PDGFD: variants seen among roughly 807,000 people sequenced by gnomAD.
The protein encoded by PDGFD is platelet-derived growth factor D.
A neutral mutation model predicts 44.7 loss-of-function variants in PDGFD; 30 were observed. That is an observed-to-expected ratio of 0.67 (90% CI 0.50 to 0.91). The LOEUF (loss-of-function observed/expected upper bound fraction) is 0.91, where lower values mean the gene tolerates loss of function less well. PDGFD is among the 40% of genes least tolerant of loss of function. The pLI is 0.00. For synonymous variants in PDGFD, 173 were observed against 168.4 expected, an observed-to-expected ratio of 1.03 and a Z score of -0.21; for missense variants, 445 against 457.8, an observed-to-expected ratio of 0.97 and a Z score of 0.25.
intron 1 of PDGFD, among the ~76,000 whole-genome samples, chr11:104,022,535 A>G (rs1338596001): frequency 1.3e-5 from 2 of 152,146 alleles, no homozygotes; most frequent in Non-Finnish European, 2.9e-5. Context: ...CCTAAGGTCA[A>G]TTTCCAAAAT....
chr11:104,002,444 C>T (rs895024616), intron 1 of PDGFD, among the ~76,000 whole-genome samples: 1 of 152,134 alleles, frequency 6.6e-6, no homozygotes, highest in African/African-American at 2.4e-5. Flanking sequence ...CTCCTGCTGC[C>T]ATGTAAAAGG....
intron 1 of PDGFD, among the ~76,000 whole-genome samples, chr11:104,070,648 A>ACT (rs1860859860): frequency 1.3e-5 from 2 of 151,956 alleles, no homozygotes; most frequent in African/African-American, 4.8e-5. Flanking sequence ...TATGACAGAT[A>ACT]CTCTTTTGCA....
chr11:104,119,930 A>C lies in PDGFD; in HGVS notation c.124+43874T>G, dbSNP rs1250704391. Among the ~76,000 whole-genome samples, 6 of 136,438 alleles carry C rather than the reference A, an allele frequency of 4.4e-5. No homozygotes were observed. The East Asian group carries it at 1.3e-3, about 29-fold the overall frequency. The allele number at this position is 136,438 out of a possible 152,430, so 89.5% of individuals were successfully genotyped here. On this transcript the variant is annotated intron_variant, in intron 1 of 6. Transcript: ENST00000393158. The stretch of plus-strand genomic sequence containing the variant: ...ATAAGCAATTATTATATATTATATA[A>C]TTAAATTATATAATATATAAGTTAT...
Position 104,072,616 on chromosome 11 carries a change from A to G in PDGFD, c.125-72361T>C, listed in dbSNP as rs925081645. Among the ~76,000 whole-genome samples the G allele has an allele frequency of 3.9e-5, 6 of 151,966 alleles. No homozygotes were observed. The South Asian group carries it at 6.2e-4, about 16-fold the overall frequency. On this transcript the variant is annotated intron_variant, in intron 1 of 6. Coordinates refer to ENST00000393158, the MANE Select transcript of PDGFD (RefSeq NM_025208.5). ...ACCTCTAGTACAATGTTGAAAGTTA[A>G]CAGATATAATAGGCAGTCTTGACTT...
chr11:104,118,763 T>C (rs1280054337), intron 1 of PDGFD, among the ~76,000 whole-genome samples: 2 of 112,226 alleles, frequency 1.8e-5, no homozygotes, highest in Non-Finnish European at 3.4e-5. Context: ...GTATATATTA[T>C]AAATATTAAT....
At chr11:104,152,500 C>T (rs1327810891) in intron 1 of PDGFD, among the ~76,000 whole-genome samples, 1 of 152,104 alleles carries the variant, frequency 6.6e-6, no homozygotes, top group Non-Finnish European at 1.5e-5. Context: ...TAGACTGACT[C>T]TTAAGACTTG....
intron 1 of PDGFD, among the ~76,000 whole-genome samples, chr11:104,155,613 ACAAATGGG>A (rs1217879414): frequency 1.3e-5 from 2 of 152,214 alleles, no homozygotes; most frequent in Non-Finnish European, 2.9e-5. Flanking sequence ...GAAAGTAAAG[ACAAATGGG>A]CTTTTAGTGT....
At chr11:103,981,774 T>C (rs920691976) in intron 3 of PDGFD, among the ~76,000 whole-genome samples, 7 of 151,768 alleles carry the variant, frequency 4.6e-5, no homozygotes, top group Non-Finnish European at 1.0e-4. Context: ...AATGAGACTA[T>C]CTGGATTCCA....
At position 103,907,649 on chromosome 11, in the gene PDGFD, T is replaced by C. The variant is rs930884714; in HGVS notation, c.*2045A>G. Reference sequence around the variant, plus strand: ...TGGTTATTGCAGCCTGGAAGGTTTATTGAAAACTGGGTAGAACACTCTCAT... The same window carrying C: ...TGGTTATTGCAGCCTGGAAGGTTTACTGAAAACTGGGTAGAACACTCTCAT... On this transcript the variant is annotated 3_prime_UTR_variant, in exon 7 of 7. Coordinates refer to ENST00000393158, the MANE Select transcript of PDGFD (RefSeq NM_025208.5). The C allele has an allele frequency of 4.6e-5, 7 of 152,220 alleles. No homozygotes were observed. Among genetic ancestry groups the C allele is most frequent in the African/African-American group, 1.7e-4 (7 of 41,460 alleles). 9.4% of individuals were successfully genotyped at this position (152,220 alleles called of 1,614,324 possible).
At chr11:103,919,106 T>C (rs1252924195) in intron 6 of PDGFD, among the ~76,000 whole-genome samples, 1 of 152,140 alleles carries the variant, frequency 6.6e-6, no homozygotes, top group South Asian at 2.1e-4. Context: ...TCTTGACTCC[T>C]CTCCACTCTG....
chr11:104,109,133 T>A (rs375543913), intron 1 of PDGFD, among the ~76,000 whole-genome samples: 17 of 151,842 alleles, frequency 1.1e-4, no homozygotes, highest in African/African-American at 3.4e-4. Flanking sequence ...CACACCAACA[T>A]GGCACATGTA....
At chr11:103,968,882 C>T (rs919386953) in intron 3 of PDGFD, among the ~76,000 whole-genome samples, 1 of 152,142 alleles carries the variant, frequency 6.6e-6, no homozygotes, top group African/African-American at 2.4e-5. Context: ...CAGCCAGTGG[C>T]TCATGTTTCT....
chr11:103,938,640 C>G (rs1315291767), intron 5 of PDGFD, among the ~76,000 whole-genome samples: 2 of 152,124 alleles, frequency 1.3e-5, no homozygotes, highest in Non-Finnish European at 2.9e-5. Flanking sequence ...ATGCCTATGT[C>G]CTGAATGGTA....
At chr11:104,065,175 G>T (rs1272532912) in intron 1 of PDGFD, among the ~76,000 whole-genome samples, 1 of 152,122 alleles carries the variant, frequency 6.6e-6, no homozygotes, top group Non-Finnish European at 1.5e-5. Context: ...GACTCAGTCT[G>T]GCCTTGCTCC....
intron 1 of PDGFD, among the ~76,000 whole-genome samples, chr11:104,082,182 A>T (rs1861056082): frequency 2.1e-5 from 3 of 143,734 alleles, no homozygotes; most frequent in Non-Finnish European, 4.5e-5. Context: ...GATAACTTTG[A>T]CATCACCCAA....
intron 1 of PDGFD, among the ~76,000 whole-genome samples, chr11:104,128,559 T>C (rs368260810): frequency 5.9e-5 from 9 of 152,180 alleles, no homozygotes; most frequent in African/African-American, 2.2e-4. Flanking sequence ...ATTTCTGCTT[T>C]CCTTTGCAAG....
At chr11:104,004,928 G>C (rs960012493) in intron 1 of PDGFD, among the ~76,000 whole-genome samples, 2 of 131,982 alleles carry the variant, frequency 1.5e-5, no homozygotes, top group African/African-American at 2.9e-5. Flanking sequence ...ACCCAGGCTG[G>C]AGTGCAGTGG....
chr11:104,069,811 G>C (rs1860847224), intron 1 of PDGFD, among the ~76,000 whole-genome samples: 1 of 152,208 alleles, frequency 6.6e-6, no homozygotes, highest in African/African-American at 2.4e-5. Context: ...AGTGAGTCTA[G>C]CTCGTGCCAC....
chr11:103,914,399 G>A (rs767761950), intron 6 of PDGFD, among the ~76,000 whole-genome samples: 21 of 152,128 alleles, frequency 1.4e-4, no homozygotes, highest in Non-Finnish European at 2.5e-4. Context: ...ACTAAACCAG[G>A]AAGAAGTCAA....
Sources: gnomAD v4.1 joint callset for allele counts (sites outside exome capture counted in the v4.1 genomes callset) on GRCh38, gnomAD v4.1.1 for gene constraint, MANE v1.5 for transcripts, NCBI Gene and HGNC (gene_info 2026-07-23, HGNC 2026-07-21) for gene names.